Variants in PTPRQ observed in about 807,000 individuals in gnomAD.
The protein encoded by PTPRQ is phosphatidylinositol phosphatase PTPRQ.
In PTPRQ, 199 loss-of-function variants were observed where a neutral mutation model predicts 246.0. The observed-to-expected ratio is 0.81, with a 90% CI of 0.72 to 0.91. The LOEUF is 0.91. PTPRQ is among the 40% of genes least tolerant of loss of function. The pLI is 0.00. For synonymous variants in PTPRQ, 869 were observed against 853.2 expected (o/e 1.02, Z -0.32); for missense variants, 2,624 against 2,528.4 (o/e 1.04, Z -0.81).
intron 26 of PTPRQ, among the ~76,000 whole-genome samples, chr12:80,602,596 A>C (rs1898179255): frequency 6.6e-6 from 1 of 151,796 alleles, no homozygotes; most frequent in South Asian, 2.1e-4. Flanking sequence ...CCAAATGCTT[A>C]GTGAAGCCTG....
intron 12 of PTPRQ, 109 bp downstream of exon 12, chr12:80,495,480 G>A: frequency 4.6e-6 from 6 of 1,315,368 alleles, no homozygotes; most frequent in Non-Finnish European, 5.9e-6. Flanking sequence ...CACATGCTAT[G>A]TCACTTCATA....
chr12:80,505,891 C>T, intron 14 of PTPRQ, 133 bp from the exon 15 acceptor site: 1 of 1,057,460 alleles, frequency 9.5e-7, no homozygotes. Flanking sequence ...TTACTTCATT[C>T]AGGATATTTA....
chr12:80,498,750 A>C (rs1297134937), intron 14 of PTPRQ, among the ~76,000 whole-genome samples: 1 of 152,122 alleles, frequency 6.6e-6, no homozygotes, highest in Non-Finnish European at 1.5e-5. Flanking sequence ...CTATTGTGAT[A>C]TGAAATAATA....
At chr12:80,649,118 C>A (rs1460943163) in intron 36 of PTPRQ, among the ~76,000 whole-genome samples, 195 bp downstream of exon 36, 1 of 152,046 alleles carries the variant, frequency 6.6e-6, no homozygotes, top group Non-Finnish European at 1.5e-5. Context: ...GTGAAGCCTG[C>A]ATGTCTGTAT....
intron 25 of PTPRQ, chr12:80,586,517 A>G (rs1050498798): frequency 2.0e-5 from 3 of 151,864 alleles, no homozygotes; most frequent in African/African-American, 7.3e-5. Context: ...AACTGGAAAT[A>G]CCATTTGACC....
chr12:80,453,327 C>T (rs200913112), intron 3 of PTPRQ, among the ~76,000 whole-genome samples: 3 of 152,148 alleles, frequency 2.0e-5, no homozygotes, highest in East Asian at 3.9e-4. Context: ...TCCTGTAGCT[C>T]GGAGTAGTTT....
At chr12:80,663,604 G>A (rs1163009) in intron 39 of PTPRQ, among the ~76,000 whole-genome samples, 75,241 of 151,492 alleles carry the variant, frequency 0.5, 20,991 homozygotes, top group African/African-American at 0.77. Context: ...ATTTCACTCC[G>A]GGATCACTGC....
intron 14 of PTPRQ, among the ~76,000 whole-genome samples, chr12:80,504,479 TC>T (rs1305970861): frequency 7.9e-5 from 12 of 151,750 alleles, no homozygotes; most frequent in Non-Finnish European, 1.3e-4. Flanking sequence ...ATCTGGAATC[TC>T]AAAATCTGAC....
intron 33 of PTPRQ, among the ~76,000 whole-genome samples, chr12:80,624,736 AAAC>A (rs370445210): frequency 3.3e-5 from 5 of 152,154 alleles, no homozygotes; most frequent in African/African-American, 1.2e-4. Flanking sequence ...GTCAAGAAAC[AAAC>A]AACATCCCCT....
chr12:80,532,455 A>C (rs1338421663), intron 17 of PTPRQ, among the ~76,000 whole-genome samples: 1 of 152,074 alleles, frequency 6.6e-6, no homozygotes, highest in Non-Finnish European at 1.5e-5. Flanking sequence ...TCCTGGTCTC[A>C]AGTGATCCAA....
At chr12:80,670,655 T>G (rs1338664610) in intron 42 of PTPRQ, among the ~76,000 whole-genome samples, 163 bp downstream of exon 42, 1 of 152,156 alleles carries the variant, frequency 6.6e-6, no homozygotes, top group Non-Finnish European at 1.5e-5. Flanking sequence ...ATTTATGTTT[T>G]CTGACATGAT....
chr12:80,512,321 C>T (rs1895148570), intron 17 of PTPRQ, among the ~76,000 whole-genome samples: 1 of 152,180 alleles, frequency 6.6e-6, no homozygotes. Flanking sequence ...CCGTGTATAT[C>T]TAGCATAATG....
At chr12:80,673,098 A>T (rs756539433) in intron 42 of PTPRQ, 71 bp from the exon 43 acceptor site, 9 of 1,524,284 alleles carry the variant, frequency 5.9e-6, no homozygotes, top group Non-Finnish European at 7.9e-6. Flanking sequence ...ATCATAGCTC[A>T]TTATCTTTAT....
chr12:80,537,032 T>A (rs1418525400), intron 19 of PTPRQ, among the ~76,000 whole-genome samples: 1 of 152,226 alleles, frequency 6.6e-6, no homozygotes, highest in African/African-American at 2.4e-5. Flanking sequence ...CACCTGGGTG[T>A]GTAATATGAT....
chr12:80,521,188 G>T (rs529815703), intron 17 of PTPRQ, among the ~76,000 whole-genome samples: 1 of 152,088 alleles, frequency 6.6e-6, no homozygotes, highest in Non-Finnish European at 1.5e-5. Context: ...CATATCCTTT[G>T]CCCACGTTTT....
intron 8 of PTPRQ, among the ~76,000 whole-genome samples, chr12:80,480,334 A>T (rs552492314): frequency 1.3e-5 from 2 of 152,318 alleles, no homozygotes; most frequent in African/African-American, 4.8e-5. Context: ...ACTAGAACAA[A>T]GACACAACAT....
chr12:80,641,214 T>C (rs1899844446), intron 35 of PTPRQ, among the ~76,000 whole-genome samples: 1 of 152,178 alleles, frequency 6.6e-6, no homozygotes, highest in African/African-American at 2.4e-5. Context: ...GGCACAAACA[T>C]TTTTTGTTAC....
In PTPRQ at chr12:80,496,593, A is replaced by G. The variant is rs1354105627; in HGVS notation, c.2272+62A>G. 23 of 1,482,806 alleles carry G rather than the reference A, an allele frequency of 1.6e-5. 1 individual carries two copies. In the South Asian group the frequency reaches 2.9e-4, roughly 19 times the overall value. 91.9% of individuals were successfully genotyped at this position (1,482,806 alleles called of 1,614,324 possible). A position where few individuals can be genotyped will look rare whatever the true frequency, so the allele number is the denominator to read the frequency against. ...CAGTGATATAGTAAGCAAAGCTGAT[A>G]ATCGCCATGTTGTTTACATTTTACA... On this transcript the variant is annotated intron_variant, in intron 14 of 44. Coordinates refer to ENST00000644991, the MANE Select transcript of PTPRQ (RefSeq NM_001145026.2).
intron 25 of PTPRQ, among the ~76,000 whole-genome samples, chr12:80,580,946 G>A (rs1897415396): frequency 6.6e-6 from 1 of 152,176 alleles, no homozygotes; most frequent in African/African-American, 2.4e-5. Context: ...TTCTCTGAAA[G>A]CTTAATTGGA....
Sources: gnomAD v4.1 joint callset for allele counts (sites outside exome capture counted in the v4.1 genomes callset) on GRCh38, gnomAD v4.1.1 for gene constraint, MANE v1.5 for transcripts, NCBI Gene and HGNC (gene_info 2026-07-23, HGNC 2026-07-21) for gene names.